Variants in ACTR3C observed in about 807,000 individuals in gnomAD.
The protein encoded by ACTR3C is actin-related protein 3C.
ACTR3C carries 18 observed loss-of-function variants against 26.3 expected under a neutral mutation model. The observed-to-expected ratio is 0.68, with a 90% CI of 0.47 to 1.01. The LOEUF (loss-of-function observed/expected upper bound fraction) is 1.01. Ranked by LOEUF, ACTR3C falls within the 50% of genes least tolerant of loss-of-function variation. The pLI is 0.00. For missense variants in ACTR3C, 184 were observed against 250.7 expected, an observed-to-expected ratio of 0.73 and a Z score of 1.80; for synonymous variants, 55 against 94.5, an observed-to-expected ratio of 0.58 and a Z score of 2.42.
At chr7:150,285,216 G>A (rs1187516790) in intron 5 of ACTR3C, among the ~76,000 whole-genome samples, 16 of 152,086 alleles carry the variant, frequency 1.1e-4, no homozygotes, top group Non-Finnish European at 2.2e-4. Flanking sequence ...GACAATATTC[G>A]TATTATGAGA....
chr7:150,190,093 C>T, the ACTR3C span, among the ~76,000 whole-genome samples: 1 of 152,178 alleles, frequency 6.6e-6, no homozygotes, highest in African/African-American at 2.4e-5. Context: ...TGTTCTTTAG[C>T]TATTCTAATA....
chr7:149,936,130 G>A, the ACTR3C span, among the ~76,000 whole-genome samples: 1 of 152,124 alleles, frequency 6.6e-6, no homozygotes, highest in Non-Finnish European at 1.5e-5. Flanking sequence ...GTAGGTTTAG[G>A]ATTAACTAAC....
chr7:150,145,649 CCA>C, the ACTR3C span, among the ~76,000 whole-genome samples: 1 of 100,686 alleles, frequency 9.9e-6, no homozygotes, highest in African/African-American at 4.0e-5. Context: ...GATTATCTCA[CCA>C]TTAGACAAAG....
the ACTR3C span, among the ~76,000 whole-genome samples, chr7:149,970,517 G>A: frequency 2.6e-5 from 4 of 152,166 alleles, no homozygotes; most frequent in Non-Finnish European, 5.9e-5. Flanking sequence ...CTGTCTCGAC[G>A]TGAATGTTTT....
At chr7:149,882,453 C>G in the ACTR3C span, among the ~76,000 whole-genome samples, 4,393 of 152,270 alleles carry the variant, frequency 0.029, 59 homozygotes, top group East Asian at 0.056. Flanking sequence ...CTGCTGAGGG[C>G]TGGTAGCTCC....
chr7:150,229,563 C>A, the ACTR3C span, among the ~76,000 whole-genome samples: 1 of 152,014 alleles, frequency 6.6e-6, no homozygotes, highest in Non-Finnish European at 1.5e-5. Context: ...CAGCTCACTG[C>A]AACCTCCGCC....
chr7:149,920,495 C>T, the ACTR3C span, among the ~76,000 whole-genome samples: 1 of 151,746 alleles, frequency 6.6e-6, no homozygotes, highest in Non-Finnish European at 1.5e-5. Flanking sequence ...GGCAGGGGGA[C>T]AGAGACAGGG....
chr7:150,106,998 C>G, the ACTR3C span, among the ~76,000 whole-genome samples: 3 of 144,880 alleles, frequency 2.1e-5, 1 homozygote, highest in African/African-American at 8.0e-5. Context: ...GGTGATATAA[C>G]TCTGGAACCA....
In ACTR3C at chr7:150,289,321, A is replaced by C. The variant is rs1836030132; in HGVS notation, c.297+129T>G. On this transcript the variant is annotated intron_variant, in intron 4 of 7. Coordinates refer to ENST00000683684, the MANE Select transcript of ACTR3C (RefSeq NM_001164458.2). Reference sequence around the variant, plus strand: ...TTCAGCCCACTTAAGGGGTAAAACAAATCAAGCCCCACACTCATGGGAAGG... The same window carrying C: ...TTCAGCCCACTTAAGGGGTAAAACACATCAAGCCCCACACTCATGGGAAGG... The C allele has an allele frequency of 3.6e-6, 5 of 1,402,258 alleles. No homozygotes were observed. The South Asian group carries it at 8.5e-5, about 24-fold the overall frequency. The allele number at this position is 1,402,258 out of a possible 1,614,324, so 86.9% of individuals were successfully genotyped here.
chr7:149,898,936 G>A, the ACTR3C span, among the ~76,000 whole-genome samples: 1 of 151,756 alleles, frequency 6.6e-6, no homozygotes. Flanking sequence ...AATAATCTAT[G>A]TCACCCAAGC....
chr7:150,290,681 A>T (rs1218554978), intron 3 of ACTR3C, among the ~76,000 whole-genome samples: 3 of 152,224 alleles, frequency 2.0e-5, no homozygotes, highest in Non-Finnish European at 4.4e-5. Context: ...TGATATACCT[A>T]ACTTCCAGAA....
At chr7:149,956,832 C>A in the ACTR3C span, among the ~76,000 whole-genome samples, 26 of 152,148 alleles carry the variant, frequency 1.7e-4, no homozygotes, top group Admixed American at 1.3e-4. Context: ...GCAGCTACCC[C>A]CATCAGACCT....
chr7:150,309,256 T>A (rs1387011829), intron 1 of ACTR3C, among the ~76,000 whole-genome samples: 2 of 152,188 alleles, frequency 1.3e-5, no homozygotes, highest in African/African-American at 2.4e-5. Flanking sequence ...AAGGTAAAGA[T>A]GAAAACCCAG....
At chr7:150,160,034 ATGT>A in the ACTR3C span, among the ~76,000 whole-genome samples, 1 of 152,064 alleles carries the variant, frequency 6.6e-6, no homozygotes, top group Non-Finnish European at 1.5e-5. Flanking sequence ...ACCTCAGGTG[ATGT>A]GCCCGCCTCA....
At chr7:150,033,916 A>G in the ACTR3C span, among the ~76,000 whole-genome samples, 27 of 94,584 alleles carry the variant, frequency 2.9e-4, no homozygotes, top group African/African-American at 6.3e-4. Flanking sequence ...CCGCGTCGCG[A>G]GGGGTGCCTC....
chr7:150,070,557 C>T, the ACTR3C span, among the ~76,000 whole-genome samples: 1 of 152,090 alleles, frequency 6.6e-6, no homozygotes, highest in Non-Finnish European at 1.5e-5. Context: ...CTGGAGTGAT[C>T]CTCCCACTGC....
At position 150,313,464 on chromosome 7, in the gene ACTR3C, T is replaced by C. The variant is rs555177786; in HGVS notation, c.-52+10005A>G. Among the ~76,000 whole-genome samples the C allele has an allele frequency of 7.2e-5, 11 of 152,370 alleles. No individual in the cohort carries two copies. The East Asian group carries it at 2.1e-3, about 29-fold the overall frequency. On this transcript the variant is annotated intron_variant, in intron 1 of 7. Transcript: ENST00000683684. ...ATAAGGGATTGTGGAGACCAAGGTT[T>C]TATCATGCAGATGAAGCCTCCAGGT...
intron 1 of ACTR3C, among the ~76,000 whole-genome samples, chr7:150,315,597 T>C (rs541629194): frequency 1.3e-5 from 2 of 152,352 alleles, no homozygotes; most frequent in East Asian, 3.9e-4. Flanking sequence ...AGGAAGGACA[T>C]TCCTATGAAA....
chr7:149,903,051 A>AT, the ACTR3C span, among the ~76,000 whole-genome samples: 4 of 20,498 alleles, frequency 2.0e-4, no homozygotes, highest in African/African-American at 2.4e-4. Context: ...GATTTTTTTA[A>AT]TTAAAAAAAA....
Sources: allele counts gnomAD v4.1 joint callset (sites outside exome capture counted in the v4.1 genomes callset), GRCh38; gene constraint gnomAD v4.1.1; transcripts MANE v1.5; gene names NCBI Gene and HGNC (gene_info 2026-07-23, HGNC 2026-07-21).